The following FPGS variants were observed in gnomAD, a reference collection of about 807,000 sequenced individuals.
FPGS encodes the protein folylpolyglutamate synthase, mitochondrial.
In FPGS, 53 loss-of-function variants were observed where a neutral mutation model predicts 66.5. The ratio of observed to expected loss-of-function variants is 0.80; its 90% CI spans 0.64 to 1.00. The LOEUF is 1.00. Among genes scored for constraint, FPGS ranks in the 50% least tolerant of loss-of-function variants. The pLI, the probability that FPGS is intolerant of heterozygous loss-of-function variation, is 0.00. For synonymous variants in FPGS, 348 were observed against 350.9 expected, an observed-to-expected ratio of 0.99 and a Z score of 0.09; for missense variants, 702 against 807.7, an observed-to-expected ratio of 0.87 and a Z score of 1.59.
chr9:127,809,770 A>T lies in FPGS; in HGVS notation c.1147A>T (p.Ser383Cys), dbSNP rs1375071718. The change falls in exon 12 of 15, where the codon AGC (serine) becomes TGC (cysteine). Residue 383 changes from serine to cysteine, a missense_variant. By Grantham distance (112) the Ser-to-Cys change is moderately radical. Transcript: ENST00000373247. ...TWYLDGAHTA[S>C]SAQACVRWFR... ...GTACCTGGACGGTGCGCACACCGCC[A>T]GCAGCGCGCAGGCCTGCGTGCGCTG... The T allele has an allele frequency of 1.5e-5, 23 of 1,570,622 alleles. No individual in the cohort carries two copies. In the Middle Eastern group the frequency reaches 6.3e-4, roughly 43 times the overall value.
At position 127,802,980 on chromosome 9, in the gene FPGS, C is replaced by G. The variant is rs758265682; in HGVS notation, c.56C>G (p.Ala19Gly). ...GCTCTATTCCTGGCAGCGGCGTCTGCGCGCGGCATAACGACCCAGGTCGCG... is the reference window on the plus strand; with the variant it reads ...GCTCTATTCCTGGCAGCGGCGTCTGGGCGCGGCATAACGACCCAGGTCGCG... ...RAALFLAAAS[A>G]RGITTQVAAR... is the part of the protein sequence containing the mutation. Residue 19 changes from alanine to glycine, a missense_variant, in exon 1 of 15, where the codon GCG becomes GGG. Coordinates refer to ENST00000373247, the MANE Select transcript of FPGS (RefSeq NM_004957.6). 2.7e-6 allele frequency: 4 copies of G among 1,461,600 alleles called. No homozygotes were observed. The Admixed American group carries it at 7.8e-5, about 28-fold the overall frequency. The allele number at this position is 1,461,600 out of a possible 1,614,324, so 90.5% of individuals were successfully genotyped here. A position where few individuals can be genotyped will look rare whatever the true frequency, so the allele number is the denominator to read the frequency against.
Position 127,809,798 on chromosome 9 carries a change from T to A in FPGS, c.1175T>A (p.Phe392Tyr), listed in dbSNP as rs747625664. ...ASSAQACVRW[F>Y]RQALQGRERP... ...AGCGCGCAGGCCTGCGTGCGCTGGTTCCGCCAGGCGCTGCAGGGCCGCGAG... is the reference window on the plus strand; with the variant it reads ...AGCGCGCAGGCCTGCGTGCGCTGGTACCGCCAGGCGCTGCAGGGCCGCGAG... The change falls in exon 12 of 15, where the codon TTC becomes TAC. Residue 392 changes from phenylalanine (F) to tyrosine (Y), a missense_variant. Around this residue, in one of 3 missense-constraint regions of FPGS, gnomAD observed 351 missense variants for 363.7 expected, o/e 0.97. Coordinates refer to ENST00000373247, the MANE Select transcript of FPGS (RefSeq NM_004957.6). 6.7e-7 allele frequency: 1 copy of A among 1,498,632 alleles called. No individual in the cohort carries two copies. The highest frequency in any genetic ancestry group is 8.8e-7 in the Non-Finnish European group (1 of 1,133,308). The allele number at this position is 1,498,632 out of a possible 1,614,324, so 92.8% of individuals were successfully genotyped here. A position where few individuals can be genotyped will look rare whatever the true frequency, so the allele number is the denominator to read the frequency against.
Position 127,809,816 on chromosome 9 carries a change from G to C in FPGS, c.1193G>C (p.Gly398Ala), listed in dbSNP as rs1355826016. Residue 398 changes from glycine to alanine, a missense_variant, in exon 12 of 15, where the codon GGC becomes GCC. By Grantham distance (60) the Gly-to-Ala change is moderately conservative (BLOSUM62 0). Coordinates refer to ENST00000373247, the MANE Select transcript of FPGS (RefSeq NM_004957.6). ...CGCTGGTTCCGCCAGGCGCTGCAGG[G>C]CCGCGAGAGGCCGAGCGGGTGAGGG... ...CVRWFRQALQGRERPSGGPEV... is the reference protein window; with the variant it reads ...CVRWFRQALQARERPSGGPEV... The C allele has an allele frequency of 2.3e-5, 33 of 1,443,592 alleles. No homozygotes were observed. The highest frequency in any genetic ancestry group is 2.7e-5 in the Non-Finnish European group (30 of 1,101,016). 89.4% of individuals were successfully genotyped at this position (1,443,592 alleles called of 1,614,324 possible). A position where few individuals can be genotyped will look rare whatever the true frequency, so the allele number is the denominator to read the frequency against.
At chr9:127,806,857 A>T in intron 4 of FPGS, 116 bp from the exon 5 acceptor site, 1 of 757,042 alleles carries the variant, frequency 1.3e-6, no homozygotes. Context: ...ACCAGGAACA[A>T]ACCGAGGGAC....
Position 127,808,293 on chromosome 9 carries a change from C to T in FPGS, c.804C>T (p.Asp268=). The change falls in exon 9 of 15, where the codon GAC becomes GAT. Residue 268 remains aspartate (D), a synonymous_variant. Coordinates refer to ENST00000373247, the MANE Select transcript of FPGS (RefSeq NM_004957.6). ...QPEGPLAVLR[D]RAQQISCPLY... ...AAGGTCCCCTGGCAGTGCTGAGGGA[C>T]CGAGCCCAGCAGATCTCAGTAAGTC... 6.2e-7 allele frequency: 1 copy of T among 1,613,908 alleles called. No homozygotes were observed. Among genetic ancestry groups the T allele is most frequent in the Non-Finnish European group, 8.5e-7 (1 of 1,179,816 alleles).
chr9:127,809,677 C>A lies in FPGS; in HGVS notation c.1061-7C>A, dbSNP rs758595274. On this transcript the variant is annotated splice_polypyrimidine_tract_variant and splice_region_variant and intron_variant, in intron 11 of 14. Coordinates refer to ENST00000373247, the MANE Select transcript of FPGS (RefSeq NM_004957.6). ...GCCTGGAGGACTGCCTTGCTGCCCTCCCCCAGGGCTTCGGAACACGGAGTG... is the reference window on the plus strand; with the variant it reads ...GCCTGGAGGACTGCCTTGCTGCCCTACCCCAGGGCTTCGGAACACGGAGTG... 1 of 1,584,500 alleles carries A rather than the reference C, an allele frequency of 6.3e-7. No individual in the cohort carries two copies. Among genetic ancestry groups the A allele is most frequent in the South Asian group, 1.1e-5 (1 of 89,358 alleles).
intron 1 of FPGS, chr9:127,803,484 ATTGGGGATCCAAGTGCCTGGAT>A: frequency 5.6e-6 from 5 of 896,472 alleles, no homozygotes; most frequent in Non-Finnish European, 6.7e-6. Context: ...GATTCAGAAG[ATTGGGGATCCAAGTGCCTGGAT>A]TTGGGGGAGA....
rs1417727168 is a variant in FPGS at position 127,813,756 on chromosome 9, T to TGTC, written c.*153_*155dup. 1 of 1,311,460 alleles carries TGTC rather than the reference T, an allele frequency of 7.6e-7. No individual in the cohort carries two copies. Among genetic ancestry groups the TGTC allele is most frequent in the Non-Finnish European group, 9.6e-7 (1 of 1,036,708 alleles). 81.2% of individuals were successfully genotyped at this position (1,311,460 alleles called of 1,614,324 possible). On this transcript the variant is annotated 3_prime_UTR_variant, in exon 15 of 15. Coordinates refer to ENST00000373247, the MANE Select transcript of FPGS (RefSeq NM_004957.6). Reference sequence around the variant, plus strand: ...TTTGGGATGGGAGGCCGGGAGAGGATGTCTTTTTTAAGGCTCTGTGCCTTG... The same window carrying TGTC: ...TTTGGGATGGGAGGCCGGGAGAGGATGTCGTCTTTTTTAAGGCTCTGTGCCTTG...
In FPGS at chr9:127,807,103, G is replaced by C. The variant is rs1829844441; in HGVS notation, c.501+16G>C. The C allele has an allele frequency of 2.5e-6, 4 of 1,611,976 alleles. No individual in the cohort carries two copies. Among genetic ancestry groups the C allele is most frequent in the Non-Finnish European group, 3.4e-6 (4 of 1,178,190 alleles). ...GGAGACCAAGGTGCCGCATGCAGGA[G>C]GGCTGGCGGGTGGGTATGGTTGGGG... On this transcript the variant is annotated intron_variant, in intron 5 of 14. Coordinates refer to ENST00000373247, the MANE Select transcript of FPGS (RefSeq NM_004957.6). The surrounding 1 kb of genome is among the most constrained non-coding windows in gnomAD (Gnocchi z 5.8).
At chr9:127,809,978 C>T in intron 12 of FPGS, 53 bp from the exon 13 acceptor site, 1 of 1,543,662 alleles carries the variant, frequency 6.5e-7, no homozygotes, top group Non-Finnish European at 8.8e-7. Context: ...GGGATTGGTA[C>T]CGCAGGGAGA....
chr9:127,807,364 T>C lies in FPGS; in HGVS notation c.580-57T>C. On this transcript the variant is annotated intron_variant, in intron 6 of 14. Transcript: ENST00000373247. The surrounding 1 kb of genome is among the most constrained non-coding windows in gnomAD (Gnocchi z 5.8). ...TCAGCAGGCCTGGGGGCTCCCTGCTTCCATGCGGCCTCTGGGCACCCTCAT... is the reference window on the plus strand; with the variant it reads ...TCAGCAGGCCTGGGGGCTCCCTGCTCCCATGCGGCCTCTGGGCACCCTCAT... 4 of 1,612,364 alleles carry C rather than the reference T, an allele frequency of 2.5e-6. No homozygotes were observed. Among genetic ancestry groups the C allele is most frequent in the Non-Finnish European group, 2.5e-6 (3 of 1,178,556 alleles).
In FPGS at chr9:127,813,517, G is replaced by T; in HGVS notation, c.1677G>T (p.Glu559Asp). Residue 559 changes from glutamate to aspartate, a missense_variant, in exon 15 of 15, where the codon GAG becomes GAT. By Grantham distance (45) the Glu-to-Asp change is conservative (BLOSUM62 2). Coordinates refer to ENST00000373247, the MANE Select transcript of FPGS (RefSeq NM_004957.6). ...ACAGTGGGGCCAGCATACTCCGTGA[G>T]GCTGCTGCCATCCATGTGCTAGTCA... ...VAHSGASILR[E>D]AAAIHVLVTG... is the part of the protein sequence containing the mutation. 6.2e-7 allele frequency: 1 copy of T among 1,611,104 alleles called. No individual in the cohort carries two copies. The highest frequency in any genetic ancestry group is 2.2e-5 in the East Asian group (1 of 44,836).
rs191205935 is a variant in FPGS, at chr9:127,805,697, A to G, written c.386+997A>G. ...ATTAGTATGTCTTTAGAGTAAGGAG[A>G]AAATTGCCTTGCAAGGGCTTAAACG... is the stretch of plus-strand genomic sequence containing the variant. On this transcript the variant is annotated intron_variant, in intron 4 of 14. Transcript: ENST00000373247. Among the ~76,000 whole-genome samples the G allele has an allele frequency of 9.8e-5, 15 of 152,370 alleles. No homozygotes were observed. The East Asian group carries it at 2.9e-3, about 29-fold the overall frequency.
chr9:127,810,098 C>T lies in FPGS; in HGVS notation c.1279C>T (p.Leu427=). The change falls in exon 13 of 15, where the codon CTG becomes TTG. Residue 427 remains leucine, a synonymous_variant. Transcript: ENST00000373247. Reference sequence around the variant, plus strand: ...CCGGGACCCGGCGGCCCTGCTGAAGCTGCTGCAGGTGAGGGGCCAACTTGG... The same window carrying T: ...CCGGGACCCGGCGGCCCTGCTGAAGTTGCTGCAGGTGAGGGGCCAACTTGG... ...GDRDPAALLK[L]LQPCQFDYAV... 6.2e-7 allele frequency: 1 copy of T among 1,613,070 alleles called. No individual in the cohort carries two copies. The highest frequency in any genetic ancestry group is 8.5e-7 in the Non-Finnish European group (1 of 1,179,742).
chr9:127,803,045 C>A lies in FPGS; in HGVS notation c.121C>A (p.Pro41Thr). The change falls in exon 1 of 15, where the codon CCG becomes ACG. Residue 41 changes from proline to threonine, a missense_variant. By Grantham distance (38) the Pro-to-Thr change is conservative (BLOSUM62 -1). Transcript: ENST00000373247. ...GAGCGCGTGGCCGGTGCCGCAGGAGCCGAGCATGGAGTACCAGGTATCAGG... is the reference window on the plus strand; with the variant it reads ...GAGCGCGTGGCCGGTGCCGCAGGAGACGAGCATGGAGTACCAGGTATCAGG... ...GLSAWPVPQEPSMEYQDAVRM... is the reference protein window; with the variant it reads ...GLSAWPVPQETSMEYQDAVRM... 1 of 1,435,114 alleles carries A rather than the reference C, an allele frequency of 7.0e-7. No homozygotes were observed. 88.9% of individuals were successfully genotyped at this position (1,435,114 alleles called of 1,614,324 possible). A position where few individuals can be genotyped will look rare whatever the true frequency, so the allele number is the denominator to read the frequency against.
intron 1 of FPGS, among the ~76,000 whole-genome samples, chr9:127,803,602 G>A (rs1276517755): frequency 6.6e-6 from 1 of 152,124 alleles, no homozygotes; most frequent in Non-Finnish European, 1.5e-5. Flanking sequence ...GGTTGCCCTA[G>A]ACCAGACCCT....
Position 127,808,420 on chromosome 9 carries a change from G to C in FPGS, c.822+109G>C, listed in dbSNP as rs1220106300. The C allele has an allele frequency of 2.7e-6, 4 of 1,485,314 alleles. No homozygotes were observed. In the African/African-American group the frequency reaches 5.5e-5, roughly 21 times the overall value. 92.0% of individuals were successfully genotyped at this position (1,485,314 alleles called of 1,614,324 possible). ...GTTTGCCCATCTGTGCAGTGAGGAC[G>C]CTGGGCCAGCTGCCAGGCCTGCTGG... On this transcript the variant is annotated intron_variant, in intron 9 of 14. Transcript: ENST00000373247.
intron 1 of FPGS, 122 bp downstream of exon 1, chr9:127,803,184 C>CG (rs1200647985): frequency 4.2e-6 from 4 of 944,592 alleles, no homozygotes; most frequent in African/African-American, 2.5e-5. Context: ...CTGGGGGACT[C>CG]GGGGGGCGGA....
intron 12 of FPGS, 60 bp from the exon 13 acceptor site, chr9:127,809,971 A>T (rs1335687244): frequency 2.8e-5 from 42 of 1,519,420 alleles, no homozygotes; most frequent in Non-Finnish European, 3.7e-5. Context: ...CGGGGACGGG[A>T]TTGGTACCGC....
Sources: gnomAD v4.1 joint callset for allele counts (sites outside exome capture counted in the v4.1 genomes callset) on GRCh38, gnomAD v4.1.1 for gene constraint, gnomAD v4.1.1 regional missense constraint, Gnocchi (gnomAD v3.1) non-coding constraint, MANE v1.5 for transcripts, NCBI Gene and HGNC (gene_info 2026-07-23, HGNC 2026-07-21) for gene names.